The following CCDC178 variants were observed in gnomAD, a reference collection of about 807,000 sequenced individuals.
The protein encoded by CCDC178 is coiled-coil domain-containing protein 178.
Under a neutral mutation model 117.4 loss-of-function variants are expected in CCDC178, and 126 were observed. The ratio of observed to expected loss-of-function variants is 1.07; its 90% CI spans 0.93 to 1.24. CCDC178 has a LOEUF of 1.24. Ranked by LOEUF, CCDC178 falls within the 50% of genes most tolerant of loss-of-function variation. The probability of loss-of-function intolerance (pLI) is 0.00; values close to 1 mark genes in which losing one functional copy is unlikely to be tolerated. For synonymous variants in CCDC178, 283 were observed against 313.4 expected, an observed-to-expected ratio of 0.90 and a Z score of 1.02; for missense variants, 1,030 against 986.9, an observed-to-expected ratio of 1.04 and a Z score of -0.59.
intron 21 of CCDC178, among the ~76,000 whole-genome samples, chr18:33,018,283 G>A (rs993414933): frequency 3.3e-5 from 5 of 151,958 alleles, no homozygotes; most frequent in African/African-American, 1.2e-4. Context: ...CAACAAAAAA[G>A]CAGAAAATAA....
intron 2 of CCDC178, among the ~76,000 whole-genome samples, chr18:33,423,438 A>G (rs1239534343): frequency 1.3e-5 from 2 of 152,132 alleles, no homozygotes; most frequent in Admixed American, 1.3e-4. Flanking sequence ...ACACGCAGCT[A>G]TATTGTATTC....
At chr18:33,348,795 T>A (rs1009880013) in intron 8 of CCDC178, 95 bp downstream of exon 8, 1 of 783,822 alleles carries the variant, frequency 1.3e-6, no homozygotes, top group African/African-American at 1.8e-5. Flanking sequence ...TATAAAATTC[T>A]TAAACATGAT....
chr18:33,301,594 G>C (rs1243215650), intron 11 of CCDC178, among the ~76,000 whole-genome samples: 1 of 152,202 alleles, frequency 6.6e-6, no homozygotes, highest in East Asian at 1.9e-4. Flanking sequence ...CTTAAAAACT[G>C]ACCCCTTCCA....
At chr18:33,086,493 C>A (rs1297386425) in intron 21 of CCDC178, among the ~76,000 whole-genome samples, 1 of 150,348 alleles carries the variant, frequency 6.7e-6, no homozygotes, top group African/African-American at 2.4e-5. Flanking sequence ...ATAATATTTT[C>A]CAAGGTTTAA....
Position 33,249,452 on chromosome 18 carries a change from T to A in CCDC178, c.1410-4024A>T, listed in dbSNP as rs1452794087. ...CTTTAATAAATTTTTGTATAAGGTGTAAGGAAGGGATCCAGTTTCAGCTTT... is the reference window on the plus strand; with the variant it reads ...CTTTAATAAATTTTTGTATAAGGTGAAAGGAAGGGATCCAGTTTCAGCTTT... On this transcript the variant is annotated intron_variant, in intron 14 of 22. Coordinates refer to ENST00000383096, the MANE Select transcript of CCDC178 (RefSeq NM_001105528.4). Among the ~76,000 whole-genome samples, 4 of 152,222 alleles carry A rather than the reference T, an allele frequency of 2.6e-5. No homozygotes were observed. The East Asian group carries it at 7.7e-4, about 29-fold the overall frequency.
intron 20 of CCDC178, among the ~76,000 whole-genome samples, chr18:33,115,294 C>A (rs996657689): frequency 6.6e-6 from 1 of 151,998 alleles, no homozygotes; most frequent in African/African-American, 2.4e-5. Context: ...ATAATGGTAT[C>A]ATGTTTCAAC....
chr18:33,301,544 G>A (rs932385537), intron 11 of CCDC178, among the ~76,000 whole-genome samples: 1 of 152,204 alleles, frequency 6.6e-6, no homozygotes, highest in Admixed American at 6.5e-5. Flanking sequence ...CATGAGAATA[G>A]CTGCACCTTG....
At chr18:33,409,116 A>G (rs2063818390) in intron 3 of CCDC178, among the ~76,000 whole-genome samples, 1 of 152,130 alleles carries the variant, frequency 6.6e-6, no homozygotes, top group South Asian at 2.1e-4. Context: ...TTGTTTTTTG[A>G]GACAGGGTCT....
At chr18:33,332,164 T>C (rs2062677777) in intron 10 of CCDC178, among the ~76,000 whole-genome samples, 1 of 152,208 alleles carries the variant, frequency 6.6e-6, no homozygotes, top group South Asian at 2.1e-4. Flanking sequence ...GTTTGTGTGA[T>C]TAAAAATACT....
At chr18:32,961,352 C>G (rs1045571855) in intron 22 of CCDC178, among the ~76,000 whole-genome samples, 4 of 152,056 alleles carry the variant, frequency 2.6e-5, no homozygotes, top group Admixed American at 2.6e-4. Context: ...ATGTCTCTCT[C>G]TATTCCTGAT....
intron 20 of CCDC178, among the ~76,000 whole-genome samples, chr18:33,209,218 A>T (rs918273647): frequency 6.6e-5 from 10 of 152,184 alleles, no homozygotes; most frequent in African/African-American, 1.9e-4. Flanking sequence ...TTATTAAAAA[A>T]TCTACCATTT....
In CCDC178 at chr18:33,389,671, A is replaced by C. The variant is rs182431478; in HGVS notation, c.119-42T>G. Reference sequence around the variant, plus strand: ...ATACATATTTTAGTGAGTAGTTAATATTATAGAAAATTTTAAAATAAGCAC... The same window carrying C: ...ATACATATTTTAGTGAGTAGTTAATCTTATAGAAAATTTTAAAATAAGCAC... On this transcript the variant is annotated intron_variant, in intron 4 of 22. Coordinates refer to ENST00000383096, the MANE Select transcript of CCDC178 (RefSeq NM_001105528.4). 4,237 of 1,023,726 alleles carry C rather than the reference A, an allele frequency of 4.1e-3. 82 individuals carry two copies. The South Asian group carries it at 0.045, about 11-fold the overall frequency. The allele number at this position is 1,023,726 out of a possible 1,614,324, so 63.4% of individuals were successfully genotyped here.
chr18:32,939,455 T>A (rs190922227), intron 22 of CCDC178, among the ~76,000 whole-genome samples: 2 of 152,292 alleles, frequency 1.3e-5, no homozygotes, highest in Non-Finnish European at 2.9e-5. Flanking sequence ...AGAAGTCCTA[T>A]GAGAATAGTC....
chr18:33,193,026 G>A (rs1160170899), intron 20 of CCDC178, among the ~76,000 whole-genome samples: 1 of 151,580 alleles, frequency 6.6e-6, no homozygotes, highest in African/African-American at 2.4e-5. Context: ...TTGGGAGGCC[G>A]AGGCAGGCGG....
rs557368194 is a variant in CCDC178 at position 33,248,453 on chromosome 18, G to A, written c.1410-3025C>T. 8.2e-5 allele frequency among the ~76,000 whole-genome samples: 11 copies of A among 134,898 alleles called. No homozygotes were observed. The South Asian group carries it at 2.0e-3, about 24-fold the overall frequency. The allele number at this position is 134,898 out of a possible 152,430, so 88.5% of individuals were successfully genotyped here. A position where few individuals can be genotyped will look rare whatever the true frequency, so the allele number is the denominator to read the frequency against. ...CACCCAACAGGCCCCAGTGTATGACGTTCCCCTTCCTGTGTCGAGTGTTCT... is the reference window on the plus strand; with the variant it reads ...CACCCAACAGGCCCCAGTGTATGACATTCCCCTTCCTGTGTCGAGTGTTCT... On this transcript the variant is annotated intron_variant, in intron 14 of 22. Transcript: ENST00000383096.
rs371931006 is a variant in CCDC178 at position 33,346,186 on chromosome 18, G to T, written c.658+25C>A. Reference sequence around the variant, plus strand: ...ATCTGTGCCCCCAACAGAATAAGAAGTAATATAAAAATCCCTATTATTACC... The same window carrying T: ...ATCTGTGCCCCCAACAGAATAAGAATTAATATAAAAATCCCTATTATTACC... On this transcript the variant is annotated intron_variant, in intron 9 of 22. Transcript: ENST00000383096. The T allele has an allele frequency of 1.4e-5, 21 of 1,523,904 alleles. No homozygotes were observed. The African/African-American group carries it at 2.9e-4, about 21-fold the overall frequency. The allele number at this position is 1,523,904 out of a possible 1,614,324, so 94.4% of individuals were successfully genotyped here.
intron 3 of CCDC178, among the ~76,000 whole-genome samples, chr18:33,406,439 T>C (rs1010951322): frequency 2.6e-5 from 4 of 152,050 alleles, no homozygotes; most frequent in Non-Finnish European, 5.9e-5. Context: ...TATGAAAGAC[T>C]ACTATATAAA....
At chr18:33,102,424 T>TAAAAAAAAA (rs36099291) in intron 20 of CCDC178, among the ~76,000 whole-genome samples, 3 of 118,434 alleles carry the variant, frequency 2.5e-5, no homozygotes, top group African/African-American at 9.0e-5. Flanking sequence ...TGCTTTGAAG[T>TAAAAAAAAA]AAAAAAAAAA....
chr18:32,959,835 A>G (rs1285635568), intron 22 of CCDC178, among the ~76,000 whole-genome samples: 2 of 152,036 alleles, frequency 1.3e-5, no homozygotes, highest in African/African-American at 4.8e-5. Flanking sequence ...TGGCTCTTCC[A>G]CTTGAAAAAT....
Sources: allele counts gnomAD v4.1 joint callset (sites outside exome capture counted in the v4.1 genomes callset), GRCh38; gene constraint gnomAD v4.1.1; transcripts MANE v1.5; gene names NCBI Gene and HGNC (gene_info 2026-07-23, HGNC 2026-07-21).